The following NAV1 variants were observed in gnomAD, a reference collection of about 807,000 sequenced individuals.
The protein encoded by NAV1 is neuron navigator 1, also known as pore membrane and/or filament interacting like protein 3.
NAV1 carries 18 observed loss-of-function variants against 175.2 expected under a neutral mutation model. The ratio of observed to expected loss-of-function variants is 0.10; its 90% confidence interval spans 0.07 to 0.15. The LOEUF (loss-of-function observed/expected upper bound fraction) is 0.15, where lower values mean the gene tolerates loss of function less well. Among genes scored for constraint, NAV1 ranks in the 10% least tolerant of loss-of-function variants. The probability of loss-of-function intolerance (pLI) is 1.00; values close to 1 mark genes in which losing one functional copy is unlikely to be tolerated. For missense variants in NAV1, 1,731 were observed against 2,436.6 expected, an observed-to-expected ratio of 0.71 and a Z score of 6.10; for synonymous variants, 897 against 978.7, an observed-to-expected ratio of 0.92 and a Z score of 1.56.
At chr1:201,760,882 T>C (rs760247579) in intron 3 of NAV1, among the ~76,000 whole-genome samples, 1 of 152,148 alleles carries the variant, frequency 6.6e-6, no homozygotes, top group Non-Finnish European at 1.5e-5. Context: ...TTCAGTATAG[T>C]AGTGTGCAAG....
intron 1 of NAV1, among the ~76,000 whole-genome samples, chr1:201,650,236 T>G (rs1047823703): frequency 6.6e-6 from 1 of 151,740 alleles, no homozygotes; most frequent in Admixed American, 6.6e-5. Flanking sequence ...TCCATTGTTC[T>G]CCGTGCCTGA....
chr1:201,817,784 C>T (rs1429365668), intron 29 of NAV1, among the ~76,000 whole-genome samples: 2 of 152,144 alleles, frequency 1.3e-5, no homozygotes, highest in Non-Finnish European at 2.9e-5. Flanking sequence ...CTGACGCTAT[C>T]CTGAAGACTA....
At chr1:201,622,330 G>T (rs890582579), upstream of NAV1, among the ~76,000 whole-genome samples, 1 of 152,162 alleles carries the variant, frequency 6.6e-6, no homozygotes, top group Non-Finnish European at 1.5e-5. Flanking sequence ...CCCACCCTTG[G>T]GCCCCAGCAG....
exon 1 of NAV1, chr1:201,649,022 G>A: frequency 1.2e-6 from 2 of 1,613,578 alleles, no homozygotes; most frequent in Non-Finnish European, 1.7e-6. Flanking sequence ...TGGCCAAGGC[G>A]CCCAAAGGCT....
In NAV1 at chr1:201,624,074, T is replaced by C. The variant is rs117286049; in HGVS notation, c.-101+468T>C. 3.7e-4 allele frequency among the ~76,000 whole-genome samples: 57 copies of C among 152,342 alleles called. No individual in the cohort carries two copies. In the East Asian group the frequency reaches 0.011, roughly 28 times the overall value. Reference sequence around the variant, plus strand: ...CTTAGTAAGTAAAATCTACACTGCTTGTTGCACTCATACCTTGTACCTGTC... The same window carrying C: ...CTTAGTAAGTAAAATCTACACTGCTCGTTGCACTCATACCTTGTACCTGTC... On this transcript the variant is annotated intron_variant, in intron 1 of 29. Coordinates refer to the NAV1 transcript ENST00000367302.
At chr1:201,676,217 C>T (rs1389096268) in intron 1 of NAV1, among the ~76,000 whole-genome samples, 1 of 152,180 alleles carries the variant, frequency 6.6e-6, no homozygotes, top group African/African-American at 2.4e-5. Context: ...TGGAAGTGCC[C>T]TGGGGACTCT....
At chr1:201,695,862 G>A (rs935072641) in intron 1 of NAV1, among the ~76,000 whole-genome samples, 16 of 152,220 alleles carry the variant, frequency 1.1e-4, no homozygotes, top group Non-Finnish European at 2.2e-4. Flanking sequence ...AGCTCCGGCT[G>A]CACCGCTGGT....
intron 3 of NAV1, among the ~76,000 whole-genome samples, chr1:201,771,025 T>C (rs150342982): frequency 1.3e-5 from 2 of 150,562 alleles, no homozygotes; most frequent in African/African-American, 4.9e-5. Context: ...TCACCAAGAG[T>C]GCAGAGAACT....
chr1:201,681,173 C>T (rs1032470794), intron 1 of NAV1, among the ~76,000 whole-genome samples: 52 of 152,278 alleles, frequency 3.4e-4, no homozygotes, highest in African/African-American at 9.6e-4. Context: ...ATCCTGATTT[C>T]GCATCCAGCA....
chr1:201,564,420 G>A (rs1311811132), intron 1 of NAV1, among the ~76,000 whole-genome samples: 2 of 152,152 alleles, frequency 1.3e-5, no homozygotes, highest in African/African-American at 4.8e-5. Flanking sequence ...TTCGAGACCA[G>A]CCTGGGCAAC....
chr1:201,662,447 T>C (rs928948027), intron 1 of NAV1, among the ~76,000 whole-genome samples: 1 of 152,240 alleles, frequency 6.6e-6, no homozygotes. Flanking sequence ...TGTCTGGCCT[T>C]GGCCTGGAGC....
chr1:201,771,238 CAAA>C (rs3054144), intron 3 of NAV1, among the ~76,000 whole-genome samples: 1 of 92,696 alleles, frequency 1.1e-5, no homozygotes, highest in African/African-American at 4.1e-5. Flanking sequence ...GACTCCGTCT[CAAA>C]AAAAAAAAAA....
At chr1:201,701,878 G>A (rs912730393) in intron 1 of NAV1, among the ~76,000 whole-genome samples, 10 of 152,188 alleles carry the variant, frequency 6.6e-5, no homozygotes, top group African/African-American at 2.2e-4. Context: ...TGTACTCATA[G>A]GCATACATTC....
chr1:201,754,650 C>T (rs1674341065), intron 3 of NAV1, among the ~76,000 whole-genome samples: 1 of 152,150 alleles, frequency 6.6e-6, no homozygotes. Flanking sequence ...AAAGTTCTCT[C>T]CATGTGGCTC....
chr1:201,739,868 G>A, intron 3 of NAV1: 1 of 1,284,030 alleles, frequency 7.8e-7, no homozygotes, highest in East Asian at 3.1e-5. Context: ...CTGGTGGTGG[G>A]GAGAAAAGGG....
intron 1 of NAV1, among the ~76,000 whole-genome samples, chr1:201,665,590 A>AG (rs1553251084): frequency 7.8e-6 from 1 of 128,534 alleles, no homozygotes; most frequent in Admixed American, 8.0e-5. Context: ...AGAGCACCCC[A>AG]CCCCCCCCAC....
At chr1:201,793,985 C>A in intron 14 of NAV1, 110 bp downstream of exon 18, 1 of 872,164 alleles carries the variant, frequency 1.1e-6, no homozygotes, top group Non-Finnish European at 1.9e-6. Flanking sequence ...AGTTTCTCCC[C>A]ACCTCACTGT....
rs539944915 is a variant in NAV1, at chr1:201,718,086, C to T, written c.861-304C>T. On this transcript the variant is annotated intron_variant, in intron 2 of 29. Transcript: ENST00000367296. The surrounding 1 kb of genome is among the most constrained non-coding windows in gnomAD (Gnocchi z 4.8). Reference sequence around the variant, plus strand: ...TTAGTTATTTACTTTCCTTGGGCTCCTTTACTAACCAATACCAAAAAAGAA... The same window carrying T: ...TTAGTTATTTACTTTCCTTGGGCTCTTTTACTAACCAATACCAAAAAAGAA... Among the ~76,000 whole-genome samples the T allele has an allele frequency of 2.0e-4, 30 of 152,200 alleles. No individual in the cohort carries two copies. Among genetic ancestry groups the T allele is most frequent in the Non-Finnish European group, 3.4e-4 (23 of 68,034 alleles).
At chr1:201,574,493 C>T (rs1666637977) in intron 1 of NAV1, among the ~76,000 whole-genome samples, 1 of 152,114 alleles carries the variant, frequency 6.6e-6, no homozygotes, top group Non-Finnish European at 1.5e-5. Flanking sequence ...TGGTCAGTCC[C>T]ACCCTGGACC....
Sources: allele counts gnomAD v4.1 joint callset (sites outside exome capture counted in the v4.1 genomes callset), GRCh38; gene constraint gnomAD v4.1.1; non-coding constraint Gnocchi (gnomAD v3.1); transcripts MANE v1.5; gene names NCBI Gene and HGNC (gene_info 2026-07-23, HGNC 2026-07-21).